CTNND2: variants seen among roughly 807,000 people sequenced by gnomAD.
The protein encoded by CTNND2 is catenin delta 2.
A neutral mutation model predicts 144.4 loss-of-function variants in CTNND2; 22 were observed. That is an observed-to-expected ratio of 0.15 (90% confidence interval 0.11 to 0.22). The LOEUF (loss-of-function observed/expected upper bound fraction) is 0.22, where lower values mean the gene tolerates loss of function less well. CTNND2 is among the 10% of genes least tolerant of loss of function. The probability of loss-of-function intolerance (pLI) is 1.00; values close to 1 mark genes in which losing one functional copy is unlikely to be tolerated. For missense variants in CTNND2, 1,353 were observed against 1,618.8 expected, an observed-to-expected ratio of 0.84 and a Z score of 2.82; for synonymous variants, 751 against 695.6, an observed-to-expected ratio of 1.08 and a Z score of -1.25.
intron 1 of CTNND2, among the ~76,000 whole-genome samples, chr5:11,841,056 A>G: frequency 6.6e-6 from 1 of 152,208 alleles, no homozygotes; most frequent in Non-Finnish European, 1.5e-5. Context: ...ATAATATTCT[A>G]TTTTAGATCT....
At chr5:11,028,157 C>A (rs771302916) in intron 16 of CTNND2, among the ~76,000 whole-genome samples, 23 of 151,510 alleles carry the variant, frequency 1.5e-4, no homozygotes, top group Non-Finnish European at 2.4e-4. Context: ...CTTTGTTGTG[C>A]ACCATTATAA....
intron 5 of CTNND2, among the ~76,000 whole-genome samples, chr5:11,400,307 T>C (rs1489037197): frequency 6.6e-6 from 1 of 152,138 alleles, no homozygotes; most frequent in Non-Finnish European, 1.5e-5. Flanking sequence ...CTATTGTCTT[T>C]AATGTAATGA....
chr5:11,816,091 T>G (rs1792630430), intron 1 of CTNND2, among the ~76,000 whole-genome samples: 1 of 152,162 alleles, frequency 6.6e-6, no homozygotes, highest in African/African-American at 2.4e-5. Flanking sequence ...GAGGCCCTGG[T>G]CCTGGGACCC....
In CTNND2 at chr5:11,903,759, G is replaced by A. The variant is rs2305932; in HGVS notation, c.37+58C>T. On this transcript the variant is annotated intron_variant, in intron 1 of 21. Coordinates refer to ENST00000304623, the MANE Select transcript of CTNND2 (RefSeq NM_001332.4). This position sits in a 1 kb window ranked among gnomAD's most constrained non-coding sequence, Gnocchi z 5.4. The stretch of plus-strand genomic sequence containing the variant: ...CCACCCCCACCAGCGGCAAGAGGAG[G>A]AGGACGGCGCCGGGAGGAGGCTGCG... 7.6e-3 allele frequency: 11,041 copies of A among 1,453,856 alleles called. 547 individuals carry two copies. In the Admixed American group the frequency reaches 0.11, roughly 15 times the overall value. The allele number at this position is 1,453,856 out of a possible 1,614,324, so 90.1% of individuals were successfully genotyped here.
chr5:11,746,287 T>C (rs559326000), intron 1 of CTNND2, among the ~76,000 whole-genome samples: 3 of 152,336 alleles, frequency 2.0e-5, no homozygotes, highest in East Asian at 3.9e-4. Context: ...AAGACTTTTG[T>C]TGGCTGCCAA....
intron 2 of CTNND2, among the ~76,000 whole-genome samples, chr5:11,586,018 C>A (rs1001584687): frequency 1.3e-5 from 2 of 152,084 alleles, no homozygotes; most frequent in Non-Finnish European, 2.9e-5. Flanking sequence ...GGTGGCAGAG[C>A]ACAGAGGCCC....
At chr5:11,372,109 G>A (rs571488557) in intron 7 of CTNND2, among the ~76,000 whole-genome samples, 4 of 152,208 alleles carry the variant, frequency 2.6e-5, no homozygotes, top group African/African-American at 4.8e-5. Flanking sequence ...GAGGTTTTCC[G>A]ATACAATTTA....
At chr5:11,417,381 C>T (rs1375021037) in intron 3 of CTNND2, among the ~76,000 whole-genome samples, 1 of 152,046 alleles carries the variant, frequency 6.6e-6, no homozygotes, top group African/African-American at 2.4e-5. Flanking sequence ...TAAAATAAGC[C>T]ACAACCTGGG....
At chr5:11,701,414 A>G (rs1785426859) in intron 2 of CTNND2, among the ~76,000 whole-genome samples, 1 of 152,224 alleles carries the variant, frequency 6.6e-6, no homozygotes, top group Non-Finnish European at 1.5e-5. Flanking sequence ...CCTAATAACA[A>G]TATCAAATTT....
intron 21 of CTNND2, among the ~76,000 whole-genome samples, chr5:10,975,067 C>T (rs1191034247): frequency 6.6e-6 from 1 of 152,158 alleles, no homozygotes; most frequent in Non-Finnish European, 1.5e-5. Flanking sequence ...CTTTGTTAGC[C>T]TGAGAGCTAA....
At chr5:11,428,970 G>A (rs1763032673) in intron 3 of CTNND2, among the ~76,000 whole-genome samples, 1 of 152,022 alleles carries the variant, frequency 6.6e-6, no homozygotes, top group Non-Finnish European at 1.5e-5. Flanking sequence ...TGAAAACAAT[G>A]AAACCTTAAC....
intron 3 of CTNND2, among the ~76,000 whole-genome samples, chr5:11,437,814 C>T (rs1019535025): frequency 6.6e-6 from 1 of 152,116 alleles, no homozygotes; most frequent in Non-Finnish European, 1.5e-5. Context: ...ACTTGGGTGC[C>T]TTTGGAGGTT....
At chr5:11,795,407 T>G (rs1011493469) in intron 1 of CTNND2, among the ~76,000 whole-genome samples, 1 of 152,184 alleles carries the variant, frequency 6.6e-6, no homozygotes, top group Non-Finnish European at 1.5e-5. Context: ...CTACAGGTAA[T>G]GAGAAACCAC....
chr5:11,482,673 G>A (rs1768395619), intron 3 of CTNND2, among the ~76,000 whole-genome samples: 1 of 152,036 alleles, frequency 6.6e-6, no homozygotes, highest in Admixed American at 6.6e-5. Flanking sequence ...TTTTAAATTG[G>A]TTGGTGGTAA....
intron 10 of CTNND2, among the ~76,000 whole-genome samples, chr5:11,230,632 G>A (rs1343901512): frequency 2.0e-5 from 3 of 152,102 alleles, no homozygotes; most frequent in Non-Finnish European, 1.5e-5. Context: ...CCATGAATAC[G>A]GACCACACTA....
intron 9 of CTNND2, among the ~76,000 whole-genome samples, chr5:11,250,855 A>G (rs1353658277): frequency 1.3e-5 from 2 of 152,106 alleles, no homozygotes; most frequent in East Asian, 3.9e-4. Flanking sequence ...AGAGGGGTAC[A>G]CAGGGCAGAT....
chr5:11,412,153 T>C lies in CTNND2; in HGVS notation c.288-84A>G, dbSNP rs1761596514. ...TAAAATCTAAGACACAAAGGCATAT[T>C]AGGGTAGTAACAGTGGCCCCGTTGC... On this transcript the variant is annotated intron_variant, in intron 3 of 21. Transcript: ENST00000304623. 15 of 1,059,562 alleles carry C rather than the reference T, an allele frequency of 1.4e-5. No individual in the cohort carries two copies. The Admixed American group carries it at 2.6e-4, about 18-fold the overall frequency. The allele number at this position is 1,059,562 out of a possible 1,614,324, so 65.6% of individuals were successfully genotyped here.
At chr5:11,814,406 C>T (rs1387563532) in intron 1 of CTNND2, among the ~76,000 whole-genome samples, 1 of 152,244 alleles carries the variant, frequency 6.6e-6, no homozygotes, top group Non-Finnish European at 1.5e-5. Context: ...TGGGATATCA[C>T]TGATGGACGT....
intron 17 of CTNND2, among the ~76,000 whole-genome samples, chr5:11,018,707 CTTTTTTTTTTTT>C (rs35528177): frequency 1.5e-5 from 2 of 129,618 alleles, no homozygotes; most frequent in African/African-American, 5.6e-5. Flanking sequence ...GGCCCTGACT[CTTTTTTTTTTTT>C]TTTTTTTTTG....
Sources: gnomAD v4.1 joint callset for allele counts (sites outside exome capture counted in the v4.1 genomes callset) on GRCh38, gnomAD v4.1.1 for gene constraint, Gnocchi (gnomAD v3.1) non-coding constraint, MANE v1.5 for transcripts, NCBI Gene and HGNC (gene_info 2026-07-23, HGNC 2026-07-21) for gene names.